Variants in DOK6 observed in about 807,000 individuals in gnomAD.
DOK6 encodes the protein docking protein 6, also known as downstream of tyrosine kinase 6.
A neutral mutation model predicts 44.0 loss-of-function variants in DOK6; 22 were observed. The observed-to-expected ratio is 0.50, with a 90% CI of 0.36 to 0.71. The LOEUF is 0.71. Ranked by LOEUF, DOK6 falls within the 30% of genes least tolerant of loss-of-function variation. DOK6 has a pLI of 0.00. For missense variants in DOK6, 340 were observed against 416.4 expected (o/e 0.82, Z 1.60); for synonymous variants, 166 against 145.5 (o/e 1.14, Z -1.01).
At chr18:69,477,616 G>A (rs1026861564) in intron 1 of DOK6, among the ~76,000 whole-genome samples, 2 of 152,044 alleles carry the variant, frequency 1.3e-5, no homozygotes, top group African/African-American at 2.4e-5. Flanking sequence ...TGTATATTTA[G>A]TACAGGCTAT....
At chr18:69,689,108 C>A (rs1463968186) in intron 4 of DOK6, among the ~76,000 whole-genome samples, 1 of 152,024 alleles carries the variant, frequency 6.6e-6, no homozygotes, top group Non-Finnish European at 1.5e-5. Flanking sequence ...TCATGATGTG[C>A]GGGTATCAGT....
chr18:69,602,249 A>G (rs571764512), intron 3 of DOK6, among the ~76,000 whole-genome samples: 1 of 152,214 alleles, frequency 6.6e-6, no homozygotes, highest in South Asian at 2.1e-4. Context: ...ATCAACAATG[A>G]TAAATCATGT....
intron 7 of DOK6, among the ~76,000 whole-genome samples, chr18:69,814,729 C>T (rs775862466): frequency 5.3e-5 from 8 of 152,074 alleles, no homozygotes; most frequent in African/African-American, 1.4e-4. Flanking sequence ...GAAAGTGTCA[C>T]GCACTTTTAA....
chr18:69,788,503 T>G (rs12605097), intron 7 of DOK6, among the ~76,000 whole-genome samples: 101,853 of 152,002 alleles, frequency 0.67, 34,399 homozygotes, highest in Admixed American at 0.71. Flanking sequence ...ATGTAACACA[T>G]AAAAATTAAG....
intron 2 of DOK6, among the ~76,000 whole-genome samples, chr18:69,592,244 TTTTTTA>T (rs1983639217): frequency 7.6e-6 from 1 of 132,140 alleles, no homozygotes; most frequent in Non-Finnish European, 1.7e-5. Context: ...TTTCTTTTTT[TTTTTTA>T]AACTTACCCT....
chr18:69,769,801 G>T (rs567647811), intron 7 of DOK6, among the ~76,000 whole-genome samples: 34 of 152,058 alleles, frequency 2.2e-4, no homozygotes, highest in Non-Finnish European at 4.7e-4. Flanking sequence ...AAAGCAGTGA[G>T]ACACTAAGAG....
chr18:69,551,614 A>G (rs1982567580), intron 1 of DOK6, among the ~76,000 whole-genome samples: 2 of 152,240 alleles, frequency 1.3e-5, no homozygotes, highest in African/African-American at 4.8e-5. Context: ...AGGATATGTC[A>G]ATAAAAAAGG....
intron 3 of DOK6, among the ~76,000 whole-genome samples, chr18:69,620,700 A>T (rs1306243680): frequency 6.6e-6 from 1 of 152,212 alleles, no homozygotes; most frequent in Non-Finnish European, 1.5e-5. Flanking sequence ...AAATATGATT[A>T]TATGTCAATA....
chr18:69,417,678 AGT>A (rs34928356), intron 1 of DOK6, among the ~76,000 whole-genome samples: 3,510 of 152,266 alleles, frequency 0.023, 68 homozygotes, highest in South Asian at 0.066. Flanking sequence ...TTCCATCAAC[AGT>A]GTGCAAACAT....
At chr18:69,455,827 TGA>T (rs1979619634) in intron 1 of DOK6, among the ~76,000 whole-genome samples, 1 of 152,196 alleles carries the variant, frequency 6.6e-6, no homozygotes, top group South Asian at 2.1e-4. Flanking sequence ...AAAAGCTAAA[TGA>T]TGGGCAATTT....
chr18:69,511,483 T>G (rs1470860519), intron 1 of DOK6, among the ~76,000 whole-genome samples: 1 of 152,138 alleles, frequency 6.6e-6, no homozygotes, highest in African/African-American at 2.4e-5. Context: ...TCTATAAAAC[T>G]TTACTTCAGT....
intron 7 of DOK6, among the ~76,000 whole-genome samples, chr18:69,826,685 C>A (rs1315094491): frequency 6.6e-6 from 1 of 152,120 alleles, no homozygotes; most frequent in African/African-American, 2.4e-5. Context: ...AATATCCAGT[C>A]CAGTAGGTGT....
rs1046386827 is a variant in DOK6 at position 69,547,957 on chromosome 18, T to C, written c.67-16530T>C. Among the ~76,000 whole-genome samples, 8 of 146,454 alleles carry C rather than the reference T, an allele frequency of 5.5e-5. No homozygotes were observed. The Admixed American group carries it at 5.5e-4, about 10-fold the overall frequency. On this transcript the variant is annotated intron_variant, in intron 1 of 7. Coordinates refer to ENST00000382713, the MANE Select transcript of DOK6 (RefSeq NM_152721.6). ...ATATATATATAATATATATAAAATA[T>C]ATATATATGTATTTTTGAGACAGAG...
intron 1 of DOK6, among the ~76,000 whole-genome samples, chr18:69,487,295 T>C (rs1212307541): frequency 6.6e-6 from 1 of 151,688 alleles, no homozygotes; most frequent in Non-Finnish European, 1.5e-5. Flanking sequence ...TCTTTCAAAT[T>C]ACCTATTTTT....
intron 3 of DOK6, among the ~76,000 whole-genome samples, chr18:69,656,570 T>C (rs1294666240): frequency 1.3e-5 from 2 of 152,200 alleles, no homozygotes; most frequent in African/African-American, 4.8e-5. Flanking sequence ...TCAATAAATG[T>C]TGATTAAAAA....
intron 3 of DOK6, among the ~76,000 whole-genome samples, chr18:69,602,333 A>G (rs1161666512): frequency 1.3e-5 from 2 of 152,234 alleles, no homozygotes; most frequent in African/African-American, 4.8e-5. Flanking sequence ...CTAACAACCT[A>G]TAAACCCATG....
intron 1 of DOK6, among the ~76,000 whole-genome samples, chr18:69,403,430 A>G (rs553805025): frequency 6.6e-6 from 1 of 152,356 alleles, no homozygotes; most frequent in East Asian, 1.9e-4. Context: ...GTGCAAATGT[A>G]TATTTACACT....
At chr18:69,476,674 C>A (rs1012070538) in intron 1 of DOK6, among the ~76,000 whole-genome samples, 2 of 152,146 alleles carry the variant, frequency 1.3e-5, no homozygotes, top group African/African-American at 4.8e-5. Flanking sequence ...GAGAAAGGGG[C>A]CACCCATCAG....
chr18:69,817,473 A>G (rs950352639), intron 7 of DOK6, among the ~76,000 whole-genome samples: 5 of 152,148 alleles, frequency 3.3e-5, no homozygotes, highest in African/African-American at 9.7e-5. Flanking sequence ...CACAGTTCTG[A>G]AAGCTGAAAG....
Sources: gnomAD v4.1 joint callset for allele counts (sites outside exome capture counted in the v4.1 genomes callset) on GRCh38, gnomAD v4.1.1 for gene constraint, MANE v1.5 for transcripts, NCBI Gene and HGNC (gene_info 2026-07-23, HGNC 2026-07-21) for gene names.